Variants in TRDN observed in about 807,000 individuals in gnomAD.
TRDN encodes triadin.
Under a neutral mutation model 149.7 loss-of-function variants are expected in TRDN, and 161 were observed. The observed-to-expected ratio is 1.08, with a 90% confidence interval of 0.95 to 1.23. The LOEUF (loss-of-function observed/expected upper bound fraction) is 1.23. Ranked by LOEUF, TRDN falls within the 50% of genes most tolerant of loss-of-function variation. The pLI, the probability that TRDN is intolerant of heterozygous loss-of-function variation, is 0.00. For missense variants in TRDN, 896 were observed against 823.5 expected, an observed-to-expected ratio of 1.09 and a Z score of -1.08; for synonymous variants, 294 against 250.5, an observed-to-expected ratio of 1.17 and a Z score of -1.64.
intron 38 of TRDN, among the ~76,000 whole-genome samples, chr6:123,244,276 G>A (rs562965868): frequency 6.6e-6 from 1 of 152,290 alleles, no homozygotes; most frequent in South Asian, 2.1e-4. Context: ...GGCTTCAGAA[G>A]GTGGGTAATA....
intron 6 of TRDN, among the ~76,000 whole-genome samples, chr6:123,513,241 A>T (rs945794728): frequency 2.0e-5 from 3 of 152,200 alleles, no homozygotes; most frequent in Non-Finnish European, 4.4e-5. Context: ...AAGGAGCATT[A>T]TGCTAGGCTA....
At chr6:123,595,891 T>C (rs1784015078) in intron 1 of TRDN, among the ~76,000 whole-genome samples, 1 of 151,848 alleles carries the variant, frequency 6.6e-6, no homozygotes, top group Non-Finnish European at 1.5e-5. Context: ...GACGTCCCTA[T>C]TCCCTGAGAC....
intron 19 of TRDN, among the ~76,000 whole-genome samples, chr6:123,374,334 A>C (rs1213936538): frequency 6.6e-6 from 1 of 152,092 alleles, no homozygotes; most frequent in African/African-American, 2.4e-5. Flanking sequence ...TTTCAGAGCA[A>C]TCTTCAATCT....
intron 1 of TRDN, among the ~76,000 whole-genome samples, chr6:123,624,102 C>T (rs903564283): frequency 1.4e-4 from 21 of 152,000 alleles, no homozygotes; most frequent in Non-Finnish European, 1.3e-4. Flanking sequence ...AAAACAGTAC[C>T]TGGCAAAAGT....
At chr6:123,509,528 A>G (rs561086155) in intron 7 of TRDN, 2 of 152,288 alleles carry the variant, frequency 1.3e-5, no homozygotes, top group Admixed American at 6.5e-5. Flanking sequence ...CCAGCCAGGA[A>G]CTGATTGGCT....
chr6:123,246,862 T>C (rs1168279020), intron 38 of TRDN, among the ~76,000 whole-genome samples: 1 of 151,982 alleles, frequency 6.6e-6, no homozygotes, highest in Admixed American at 6.6e-5. Context: ...AATAAAATAC[T>C]GACAAACCGA....
intron 9 of TRDN, among the ~76,000 whole-genome samples, chr6:123,483,825 T>C (rs185651864): frequency 4.2e-4 from 64 of 152,306 alleles, no homozygotes; most frequent in African/African-American, 1.4e-3. Flanking sequence ...AGAACAACTT[T>C]GAGCATAGCA....
At chr6:123,376,801 G>A (rs1303375324) in intron 18 of TRDN, among the ~76,000 whole-genome samples, 1 of 151,984 alleles carries the variant, frequency 6.6e-6, no homozygotes, top group East Asian at 1.9e-4. Context: ...TTTTAAATAA[G>A]ATTGAGCAGA....
At chr6:123,346,960 A>C (rs1287971605) in intron 21 of TRDN, among the ~76,000 whole-genome samples, 2 of 142,044 alleles carry the variant, frequency 1.4e-5, no homozygotes, top group South Asian at 2.3e-4. Flanking sequence ...ATTTGGAATG[A>C]AAGAAGAATT....
At chr6:123,243,915 A>G (rs1306716740) in intron 38 of TRDN, among the ~76,000 whole-genome samples, 1 of 152,164 alleles carries the variant, frequency 6.6e-6, no homozygotes, top group Admixed American at 6.6e-5. Context: ...AAAACACCTC[A>G]AGTCTAGCAA....
chr6:123,490,580 T>C (rs1374271083), intron 9 of TRDN, among the ~76,000 whole-genome samples: 2 of 152,204 alleles, frequency 1.3e-5, no homozygotes, highest in African/African-American at 4.8e-5. Context: ...GTTAGCCCTT[T>C]AACAGGAAGG....
intron 37 of TRDN, among the ~76,000 whole-genome samples, chr6:123,252,925 G>A (rs1356093220): frequency 1.3e-5 from 2 of 152,058 alleles, no homozygotes; most frequent in South Asian, 2.1e-4. Flanking sequence ...TAAATTAAGA[G>A]TTTTGGCTCA....
intron 1 of TRDN, among the ~76,000 whole-genome samples, chr6:123,610,305 C>T (rs149790020): frequency 1.3e-3 from 194 of 152,264 alleles, no homozygotes; most frequent in African/African-American, 4.5e-3. Context: ...TTCTTTCTTC[C>T]CTTAAAACAG....
chr6:123,467,666 G>A (rs563193017), intron 9 of TRDN, among the ~76,000 whole-genome samples: 21 of 152,126 alleles, frequency 1.4e-4, no homozygotes, highest in African/African-American at 4.8e-4. Flanking sequence ...AAATCAGATG[G>A]GTCATACTTG....
Position 123,218,630 on chromosome 6 carries a change from A to G in TRDN, c.2161T>C (p.Ser721Pro). 1 of 1,611,682 alleles carries G rather than the reference A, an allele frequency of 6.2e-7. No homozygotes were observed. The highest frequency in any genetic ancestry group is 2.2e-5 in the East Asian group (1 of 44,802). Reference protein sequence around the residue: ...RPGESSGQANSPGQKQQGQ With the variant: ...RPGESSGQANPPGQKQQGQ Reference sequence around the variant, plus strand: ...TGTCCTTGTTGCTTCTGTCCTGGAGAATTTGCTTGACCAGAGCTCTCTCCA... The same window carrying G: ...TGTCCTTGTTGCTTCTGTCCTGGAGGATTTGCTTGACCAGAGCTCTCTCCA... The change falls in exon 41 of 41, where the codon TCT becomes CCT. Residue 721 changes from serine to proline, a missense_variant. Coordinates refer to ENST00000334268, the MANE Select transcript of TRDN (RefSeq NM_006073.4).
intron 10 of TRDN, among the ~76,000 whole-genome samples, chr6:123,460,825 C>G (rs545695224): frequency 4.1e-4 from 62 of 152,142 alleles, no homozygotes; most frequent in African/African-American, 1.3e-3. Context: ...TCCTCTGTAT[C>G]TATACAAATT....
intron 23 of TRDN, among the ~76,000 whole-genome samples, chr6:123,330,045 T>G (rs1779603209): frequency 6.6e-6 from 1 of 152,036 alleles, no homozygotes; most frequent in Non-Finnish European, 1.5e-5. Context: ...AACCACCTGG[T>G]ATGGGATTAT....
rs1434891192 is a variant in TRDN, at chr6:123,262,484, C to CGGA, written c.1805-1847_1805-1846insTCC. On this transcript the variant is annotated intron_variant, in intron 33 of 40. Coordinates refer to ENST00000334268, the MANE Select transcript of TRDN (RefSeq NM_006073.4). ...GTATATCAACAGAAAACATGATAGG[C>CGGA]ATTCCCTCATACATCCTGGTCCAGT... Among the ~76,000 whole-genome samples, 4 of 152,030 alleles carry CGGA rather than the reference C, an allele frequency of 2.6e-5. No homozygotes were observed. The East Asian group carries it at 7.7e-4, about 29-fold the overall frequency.
At chr6:123,416,667 T>C (rs1463507102) in intron 12 of TRDN, among the ~76,000 whole-genome samples, 2 of 152,050 alleles carry the variant, frequency 1.3e-5, no homozygotes, top group Non-Finnish European at 2.9e-5. Context: ...ATGCAAAAAC[T>C]TTGTCTCCTT....
Sources: allele counts gnomAD v4.1 joint callset (sites outside exome capture counted in the v4.1 genomes callset), GRCh38; gene constraint gnomAD v4.1.1; transcripts MANE v1.5; gene names NCBI Gene and HGNC (gene_info 2026-07-23, HGNC 2026-07-21).